The following ZFHX3 variants were observed in gnomAD, a reference collection of about 807,000 sequenced individuals.
ZFHX3 encodes zinc finger homeobox 3, also known as zinc finger homeobox protein 3.
Under a neutral mutation model 279.1 loss-of-function variants are expected in ZFHX3, and 42 were observed. The ratio of observed to expected loss-of-function variants is 0.15; its 90% CI spans 0.12 to 0.19. The LOEUF is 0.19. ZFHX3 is among the 10% of genes least tolerant of loss of function. The pLI is 1.00. For synonymous variants in ZFHX3, 2,293 were observed against 1,957.8 expected (o/e 1.17, Z -4.52); for missense variants, 4,981 against 4,754.0 (o/e 1.05, Z -1.40).
intron 1 of ZFHX3, among the ~76,000 whole-genome samples, chr16:73,022,549 C>T (rs753484395): frequency 6.6e-6 from 1 of 152,160 alleles, no homozygotes; most frequent in South Asian, 2.1e-4. Context: ...CAGTAGCATC[C>T]TCTCCCCAAA....
chr16:73,326,738 T>C (rs1298839407), intron 3 of ZFHX3, among the ~76,000 whole-genome samples: 1 of 152,236 alleles, frequency 6.6e-6, no homozygotes, highest in Non-Finnish European at 1.5e-5. Context: ...TCTTGAATCC[T>C]ATACTTCAAA....
intron 2 of ZFHX3, among the ~76,000 whole-genome samples, chr16:73,662,385 T>C (rs967289215): frequency 6.6e-6 from 1 of 152,198 alleles, no homozygotes; most frequent in African/African-American, 2.4e-5. Flanking sequence ...GTTTCTCCCT[T>C]ATTTCTCATT....
At chr16:72,892,826 A>T (rs1421386187) in intron 3 of ZFHX3, among the ~76,000 whole-genome samples, 2 of 152,194 alleles carry the variant, frequency 1.3e-5, no homozygotes, top group Non-Finnish European at 2.9e-5. Flanking sequence ...TGCTTTTAAA[A>T]AATGATTTAA....
chr16:73,762,598 T>G (rs1476021728), intron 1 of ZFHX3, among the ~76,000 whole-genome samples: 1 of 152,142 alleles, frequency 6.6e-6, no homozygotes, highest in Non-Finnish European at 1.5e-5. Flanking sequence ...AATGACAGAC[T>G]GGATAAAGAA....
chr16:73,206,878 T>A (rs1210309598), intron 5 of ZFHX3, among the ~76,000 whole-genome samples: 1 of 151,694 alleles, frequency 6.6e-6, no homozygotes, highest in East Asian at 1.9e-4. Context: ...ATTATCCGGG[T>A]GTGATGGCGG....
rs543972486 is a variant in ZFHX3, at chr16:72,942,287, CA to C, written c.3216+8181del. On this transcript the variant is annotated intron_variant, in intron 3 of 9. Coordinates refer to ENST00000268489, the MANE Select transcript of ZFHX3 (RefSeq NM_006885.4). ...GTGTTTACCTAAAACAACCGTAACA[CA>C]ACGCATTATCCTGGAATGCAGAAGC... Among the ~76,000 whole-genome samples the C allele has an allele frequency of 1.4e-3, 214 of 152,340 alleles. 1 individual carries two copies. The highest frequency in any genetic ancestry group is 4.7e-3 in the African/African-American group (196 of 41,580).
chr16:73,422,257 C>A (rs920958085), intron 3 of ZFHX3, among the ~76,000 whole-genome samples: 1 of 150,938 alleles, frequency 6.6e-6, no homozygotes, highest in Non-Finnish European at 1.5e-5. Flanking sequence ...CTGCTCAACC[C>A]TTGAATGGGG....
At chr16:72,917,744 G>A (rs896522638) in intron 3 of ZFHX3, among the ~76,000 whole-genome samples, 1 of 152,148 alleles carries the variant, frequency 6.6e-6, no homozygotes, top group Non-Finnish European at 1.5e-5. Flanking sequence ...AAAGCATCTT[G>A]GTAGTGAAAT....
chr16:72,829,837 T>G lies in ZFHX3; in HGVS notation c.3471A>C (p.Glu1157Asp). The change falls in exon 5 of 10, where the codon GAA (glutamate) becomes GAC (aspartate). Residue 1157 changes from glutamate (E) to aspartate (D), a missense_variant. By Grantham distance (45) the Glu-to-Asp change is conservative. Around this residue, in one of 7 missense-constraint regions of ZFHX3, gnomAD observed 1,751 missense variants for 1,770.0 expected, o/e 0.99. Coordinates refer to ENST00000268489, the MANE Select transcript of ZFHX3 (RefSeq NM_006885.4). ...TDPEEAIEDV[E>D]GPSETAADPE... ...GATCAGCAGCTGTTTCACTGGGTCC[T>G]TCAACATCTTCAATGGCTTCTTCTG... 2 of 1,614,228 alleles carry G rather than the reference T, an allele frequency of 1.2e-6. No individual in the cohort carries two copies. Among genetic ancestry groups the G allele is most frequent in the South Asian group, 1.1e-5 (1 of 91,082 alleles).
At chr16:72,944,813 G>T (rs1437519254) in intron 3 of ZFHX3, among the ~76,000 whole-genome samples, 1 of 152,008 alleles carries the variant, frequency 6.6e-6, no homozygotes, top group Non-Finnish European at 1.5e-5. Context: ...GGTCTGGTCA[G>T]TTCTTTACTA....
At position 73,190,020 on chromosome 16, in the gene ZFHX3, A is replaced by G. The variant is rs369961014; in HGVS notation, c.-1103-46189T>C. Among the ~76,000 whole-genome samples, 6 of 152,242 alleles carry G rather than the reference A, an allele frequency of 3.9e-5. No homozygotes were observed. In the East Asian group the frequency reaches 5.8e-4, roughly 15 times the overall value. On this transcript the variant is annotated intron_variant, in intron 5 of 17. Coordinates refer to the ZFHX3 transcript ENST00000641206. ...TGTTATGGGCTCACCAACATCTCAC[A>G]TCCACTCTTGAAAGAAGCCAAGTGC...
chr16:72,876,680 C>G (rs745648658), intron 4 of ZFHX3, among the ~76,000 whole-genome samples: 1 of 152,198 alleles, frequency 6.6e-6, no homozygotes, highest in Non-Finnish European at 1.5e-5. Context: ...CTCTCTTCTC[C>G]TGGCTGGTCC....
intron 3 of ZFHX3, among the ~76,000 whole-genome samples, chr16:72,920,402 C>T (rs1250457857): frequency 6.6e-6 from 1 of 152,098 alleles, no homozygotes; most frequent in Non-Finnish European, 1.5e-5. Flanking sequence ...ACACACCAAC[C>T]AGGTGCAGTG....
chr16:73,742,589 T>G (rs1288123449), intron 1 of ZFHX3, among the ~76,000 whole-genome samples: 1 of 152,188 alleles, frequency 6.6e-6, no homozygotes, highest in Non-Finnish European at 1.5e-5. Context: ...AGGGTAGATA[T>G]GGTCAACCTG....
At chr16:73,207,974 GA>G (rs1447398040) in intron 5 of ZFHX3, among the ~76,000 whole-genome samples, 1 of 152,142 alleles carries the variant, frequency 6.6e-6, no homozygotes, top group Non-Finnish European at 1.5e-5. Flanking sequence ...CAGACTTGTG[GA>G]AGCTGTCATT....
intron 3 of ZFHX3, among the ~76,000 whole-genome samples, chr16:73,455,772 C>T (rs1246054432): frequency 6.7e-6 from 1 of 148,310 alleles, no homozygotes; most frequent in Non-Finnish European, 1.5e-5. Context: ...TGTTAAGAAG[C>T]AGTTACCAAT....
chr16:73,366,428 T>C (rs1454331332), intron 3 of ZFHX3, among the ~76,000 whole-genome samples: 3 of 151,308 alleles, frequency 2.0e-5, no homozygotes, highest in Non-Finnish European at 4.4e-5. Context: ...AAAAAACAAA[T>C]AGATGAAAAG....
intron 3 of ZFHX3, among the ~76,000 whole-genome samples, chr16:73,339,781 A>T (rs2015994577): frequency 6.6e-6 from 1 of 152,206 alleles, no homozygotes; most frequent in African/African-American, 2.4e-5. Flanking sequence ...TGGATATTCC[A>T]CAAATAAAGC....
intron 2 of ZFHX3, among the ~76,000 whole-genome samples, chr16:73,460,335 T>C (rs1306610834): frequency 3.3e-5 from 5 of 152,256 alleles, no homozygotes; most frequent in South Asian, 2.1e-4. Context: ...TTTCATGTTA[T>C]AGATATTCTA....
Sources: allele counts gnomAD v4.1 joint callset (sites outside exome capture counted in the v4.1 genomes callset), GRCh38; gene constraint gnomAD v4.1.1; regional missense constraint gnomAD v4.1.1; transcripts MANE v1.5; gene names NCBI Gene and HGNC (gene_info 2026-07-23, HGNC 2026-07-21).